The following MEP1B variants were observed in gnomAD, a reference collection of about 807,000 sequenced individuals.
MEP1B encodes the protein N-benzoyl-L-tyrosyl-P-amino-benzoic acid hydrolase subunit beta.
Under a neutral mutation model 84.6 loss-of-function variants are expected in MEP1B, and 80 were observed. The observed-to-expected ratio is 0.95, with a 90% confidence interval of 0.79 to 1.14. The LOEUF (loss-of-function observed/expected upper bound fraction) is 1.14, where lower values mean the gene tolerates loss of function less well. Among genes scored for constraint, MEP1B ranks in the 50% most tolerant of loss-of-function variants. The pLI, the probability that MEP1B is intolerant of heterozygous loss-of-function variation, is 0.00. For missense variants in MEP1B, 766 were observed against 855.1 expected (o/e 0.90, Z 1.30); for synonymous variants, 273 against 288.1 (o/e 0.95, Z 0.53).
chr18:32,191,149 C>G (rs2040798109), intron 1 of MEP1B, among the ~76,000 whole-genome samples: 1 of 151,476 alleles, frequency 6.6e-6, no homozygotes, highest in Admixed American at 6.6e-5. Flanking sequence ...ATAACCCAGA[C>G]AGTCCTATGA....
intron 5 of MEP1B, among the ~76,000 whole-genome samples, chr18:32,199,057 G>C (rs1003078992): frequency 2.6e-5 from 4 of 152,156 alleles, no homozygotes; most frequent in African/African-American, 4.8e-5. Flanking sequence ...AACAAGAATG[G>C]AGAATTTAAC....
At chr18:32,219,329 A>G (rs1380148431) in intron 14 of MEP1B, among the ~76,000 whole-genome samples, 2 of 152,250 alleles carry the variant, frequency 1.3e-5, no homozygotes, top group Non-Finnish European at 2.9e-5. Flanking sequence ...AATGCTAATA[A>G]TAAGGCAATA....
intron 5 of MEP1B, among the ~76,000 whole-genome samples, chr18:32,199,649 C>T (rs1486128055): frequency 6.9e-6 from 1 of 145,288 alleles, no homozygotes; most frequent in Non-Finnish European, 1.5e-5. Flanking sequence ...TTTAATTCTT[C>T]CTTTTTTTCC....
At chr18:32,207,139 T>C (rs6506964) in intron 7 of MEP1B, 113 bp from the exon 8 acceptor site, 47,794 of 655,152 alleles carry the variant, frequency 0.073, 2,367 homozygotes, top group African/African-American at 0.19. Context: ...TTGTTAGTTG[T>C]AGCAAAAATT....
chr18:32,192,912 A>G, intron 4 of MEP1B, 95 bp downstream of exon 4: 1 of 926,014 alleles, frequency 1.1e-6, no homozygotes, highest in Non-Finnish European at 1.7e-6. Flanking sequence ...AACTTTGTTA[A>G]GCCTAACTAT....
At chr18:32,205,581 T>G (rs558167579) in intron 7 of MEP1B, among the ~76,000 whole-genome samples, 3 of 152,336 alleles carry the variant, frequency 2.0e-5, no homozygotes, top group African/African-American at 7.2e-5. Flanking sequence ...ACAGCCACAC[T>G]CCTTAGGATT....
intron 9 of MEP1B, among the ~76,000 whole-genome samples, chr18:32,208,476 C>T (rs1273793996): frequency 6.6e-6 from 1 of 152,148 alleles, no homozygotes; most frequent in Non-Finnish European, 1.5e-5. Context: ...TTTCTTTCTA[C>T]AAGTCAGAGC....
rs897796552 is a variant in MEP1B at position 32,220,240 on chromosome 18, T to A, written c.2101T>A (p.Phe701Ile). The change falls in exon 15 of 15, where the codon TTT (phenylalanine) becomes ATT (isoleucine). Residue 701 changes from phenylalanine (F) to isoleucine (I), a missense_variant. Phe to Ile is a conservative substitution (Grantham distance 21). Coordinates refer to ENST00000269202, the MANE Select transcript of MEP1B (RefSeq NM_005925.3). ...PNLTPQNQHA[F>I] is the part of the protein sequence containing the mutation. ...TTCTTTCCCCTTTTAGCAGCATGCT[T>A]TTTGAAGATTAACTCGACAATATGG... The A allele has an allele frequency of 6.2e-7, 1 of 1,608,806 alleles. No individual in the cohort carries two copies. Among genetic ancestry groups the A allele is most frequent in the Admixed American group, 1.7e-5 (1 of 59,488 alleles).
At chr18:32,199,660 T>TTCCTTCCTTCCTTCCTTCCTTCC (rs1256249848) in intron 5 of MEP1B, among the ~76,000 whole-genome samples, 7 of 96,544 alleles carry the variant, frequency 7.3e-5, no homozygotes, top group Admixed American at 1.0e-4. Context: ...CTTTTTTTCC[T>TTCCTTCCTTCCTTCCTTCCTTCC]TTCGTTCGTT....
intron 6 of MEP1B, 55 bp from the exon 7 acceptor site, chr18:32,204,125 CCT>C (rs1229296476): frequency 6.7e-7 from 1 of 1,499,390 alleles, no homozygotes; most frequent in East Asian, 2.4e-5. Context: ...GCGATTCTGC[CCT>C]GAGACCTCAG....
At chr18:32,201,299 T>TACACACACACAC (rs58057830) in intron 5 of MEP1B, among the ~76,000 whole-genome samples, 143 of 144,316 alleles carry the variant, frequency 9.9e-4, no homozygotes, top group Middle Eastern at 7.1e-3. Flanking sequence ...CATATGTAGA[T>TACACACACACAC]ACACACACAC....
At chr18:32,190,188 AT>A in intron 1 of MEP1B, 55 bp downstream of exon 1, 1 of 1,239,466 alleles carries the variant, frequency 8.1e-7, no homozygotes, top group Admixed American at 2.1e-5. Flanking sequence ...GTTGATATTG[AT>A]TGTTAAAGAA....
At chr18:32,216,573 T>C (rs2041091655) in intron 12 of MEP1B, among the ~76,000 whole-genome samples, 1 of 152,208 alleles carries the variant, frequency 6.6e-6, no homozygotes, top group South Asian at 2.1e-4. Context: ...CTTGTACCCT[T>C]CTGGGCTCCC....
At chr18:32,209,034 G>A (rs1396340572) in intron 9 of MEP1B, among the ~76,000 whole-genome samples, 1 of 152,188 alleles carries the variant, frequency 6.6e-6, no homozygotes, top group African/African-American at 2.4e-5. Flanking sequence ...AGACCAGGTA[G>A]CTCTCACTTT....
At chr18:32,218,521 C>T (rs898081842) in intron 14 of MEP1B, among the ~76,000 whole-genome samples, 4 of 152,216 alleles carry the variant, frequency 2.6e-5, no homozygotes, top group South Asian at 2.1e-4. Context: ...ACTCCTGAAA[C>T]GATCCTGTTT....
At position 32,190,184 on chromosome 18, in the gene MEP1B, A is replaced by G. The variant is rs2040788356; in HGVS notation, c.63+51A>G. On this transcript the variant is annotated intron_variant, in intron 1 of 14. Coordinates refer to ENST00000269202, the MANE Select transcript of MEP1B (RefSeq NM_005925.3). ...ATTTAAAAATTTTGGGGCAGTTGAT[A>G]TTGATTGTTAAAGAACAAGTGTTTT... is the stretch of plus-strand genomic sequence containing the variant. The G allele has an allele frequency of 2.3e-6, 3 of 1,309,168 alleles. No individual in the cohort carries two copies. The East Asian group carries it at 7.0e-5, about 30-fold the overall frequency. The allele number at this position is 1,309,168 out of a possible 1,614,324, so 81.1% of individuals were successfully genotyped here.
intron 9 of MEP1B, among the ~76,000 whole-genome samples, chr18:32,209,980 C>T (rs777398084): frequency 2.0e-5 from 3 of 152,142 alleles, no homozygotes; most frequent in Non-Finnish European, 4.4e-5. Context: ...TTCAAACCCT[C>T]GTTTTGACTT....
At chr18:32,210,054 A>G (rs925369195) in intron 9 of MEP1B, among the ~76,000 whole-genome samples, 2 of 152,176 alleles carry the variant, frequency 1.3e-5, no homozygotes, top group African/African-American at 4.8e-5. Flanking sequence ...TCTTTGTCCA[A>G]TGGTAGCTCT....
intron 5 of MEP1B, 78 bp from the exon 6 acceptor site, chr18:32,202,815 C>T: frequency 1.2e-6 from 1 of 816,720 alleles, no homozygotes; most frequent in Non-Finnish European, 2.0e-6. Flanking sequence ...CAATATATTG[C>T]AGTGGCCTGC....
Sources: gnomAD v4.1 joint callset for allele counts (sites outside exome capture counted in the v4.1 genomes callset) on GRCh38, gnomAD v4.1.1 for gene constraint, MANE v1.5 for transcripts, NCBI Gene and HGNC (gene_info 2026-07-23, HGNC 2026-07-21) for gene names.